PPT1: variants seen among roughly 807,000 people sequenced by gnomAD.
The protein encoded by PPT1 is ceroid-palmitoyl-palmitoyl-protein thioesterase 1.
PPT1 carries 24 observed loss-of-function variants against 44.0 expected under a neutral mutation model. That is an observed-to-expected ratio of 0.54 (90% CI 0.39 to 0.77). The LOEUF (loss-of-function observed/expected upper bound fraction) is 0.77, where lower values mean the gene tolerates loss of function less well. PPT1 is among the 30% of genes least tolerant of loss of function. The pLI, the probability that PPT1 is intolerant of heterozygous loss-of-function variation, is 0.00. For synonymous variants in PPT1, 148 were observed against 140.2 expected, an observed-to-expected ratio of 1.06 and a Z score of -0.39; for missense variants, 341 against 378.8, an observed-to-expected ratio of 0.90 and a Z score of 0.83.
intron 1 of PPT1, among the ~76,000 whole-genome samples, chr1:40,095,796 G>A (rs1649811305): frequency 6.6e-6 from 1 of 152,116 alleles, no homozygotes; most frequent in South Asian, 2.1e-4. Flanking sequence ...GTCTCCCTGT[G>A]ACCATCCATG....
Position 40,080,299 on chromosome 1 carries a change from C to A in PPT1, c.627+98G>T, listed in dbSNP as rs922344122. On this transcript the variant is annotated intron_variant, in intron 6 of 8. Coordinates refer to ENST00000642050, the MANE Select transcript of PPT1 (RefSeq NM_000310.4). The stretch of plus-strand genomic sequence containing the variant: ...AGAACTTCTCTTTCCTAGTGTCTGC[C>A]CAGGACAGTTTGGGTAAACAGTCAC... 4 of 1,278,694 alleles carry A rather than the reference C, an allele frequency of 3.1e-6. 1 individual carries two copies. The highest frequency in any genetic ancestry group is 3.4e-6 in the Non-Finnish European group (3 of 876,032). 79.2% of individuals were successfully genotyped at this position (1,278,694 alleles called of 1,614,324 possible). A position where few individuals can be genotyped will look rare whatever the true frequency, so the allele number is the denominator to read the frequency against.
chr1:40,084,294 C>CA (rs1649139354), intron 5 of PPT1, among the ~76,000 whole-genome samples: 1 of 152,096 alleles, frequency 6.6e-6, no homozygotes, highest in Non-Finnish European at 1.5e-5. Context: ...TACGGATGAG[C>CA]AAAACAGTGG....
At chr1:40,088,147 T>TA (rs1242567466) in intron 5 of PPT1, among the ~76,000 whole-genome samples, 3 of 151,572 alleles carry the variant, frequency 2.0e-5, no homozygotes, top group Non-Finnish European at 4.4e-5. Flanking sequence ...TCAAAACTTT[T>TA]TTTTTTTTTT....
Position 40,086,786 on chromosome 1 carries a change from C to T in PPT1, c.536+2624G>A, listed in dbSNP as rs556974201. Among the ~76,000 whole-genome samples the T allele has an allele frequency of 4.6e-5, 7 of 151,302 alleles. No individual in the cohort carries two copies. The East Asian group carries it at 1.4e-3, about 31-fold the overall frequency. On this transcript the variant is annotated intron_variant, in intron 5 of 8. Transcript: ENST00000642050. ...GGTCTGCATGGAGAGAAAGAAGCAG[C>T]GACACAGAGAGAGAAGCAACAATGG...
chr1:40,090,162 TG>T (rs1649479815), intron 4 of PPT1, among the ~76,000 whole-genome samples: 1 of 152,024 alleles, frequency 6.6e-6, no homozygotes, highest in Admixed American at 6.5e-5. Context: ...TCCAAGAGAT[TG>T]GGTCTTGCTA....
chr1:40,096,972 A>AGGG, intron 1 of PPT1, 143 bp downstream of exon 1: 2 of 1,432,238 alleles, frequency 1.4e-6, no homozygotes, highest in Non-Finnish European at 9.8e-7. Flanking sequence ...TTTCCAATGC[A>AGGG]GATCCTTCAA....
At chr1:40,091,079 T>C (rs1331883742) in intron 4 of PPT1, among the ~76,000 whole-genome samples, 1 of 152,210 alleles carries the variant, frequency 6.6e-6, no homozygotes, top group Non-Finnish European at 1.5e-5. Context: ...GCTATAACCA[T>C]CTTACTTCCA....
chr1:40,088,611 G>A (rs1649389501), intron 5 of PPT1, among the ~76,000 whole-genome samples: 1 of 151,732 alleles, frequency 6.6e-6, no homozygotes, highest in African/African-American at 2.4e-5. Flanking sequence ...GTCTCACTAT[G>A]TTGTTCAGAC....
chr1:40,072,633 G>C (rs554373727), downstream of PPT1: 5 of 152,720 alleles, frequency 3.3e-5, no homozygotes, highest in South Asian at 1.0e-3. Flanking sequence ...ATAGAATAAA[G>C]TTAATACCAA....
Position 40,080,389 on chromosome 1 carries a change from G to A in PPT1, c.627+8C>T, listed in dbSNP as rs1427848229. The A allele has an allele frequency of 3.1e-6, 5 of 1,613,036 alleles. No individual in the cohort carries two copies. The highest frequency in any genetic ancestry group is 4.2e-6 in the Non-Finnish European group (5 of 1,179,182). ...GCACATCTATGGGAGCCCGGTTTGGGTGCTTACCCGCTCCTGATTTATATC... is the reference window on the plus strand; with the variant it reads ...GCACATCTATGGGAGCCCGGTTTGGATGCTTACCCGCTCCTGATTTATATC... On this transcript the variant is annotated splice_region_variant and intron_variant, in intron 6 of 8. Transcript: ENST00000642050.
intron 5 of PPT1, among the ~76,000 whole-genome samples, chr1:40,086,203 T>C (rs946563650): frequency 2.6e-5 from 4 of 152,072 alleles, no homozygotes; most frequent in African/African-American, 9.7e-5. Flanking sequence ...GAAGCATTCA[T>C]TGTGGCAGGG....
At chr1:40,076,141 A>C (rs1279172082) in intron 8 of PPT1, among the ~76,000 whole-genome samples, 3 of 152,004 alleles carry the variant, frequency 2.0e-5, no homozygotes, top group African/African-American at 7.2e-5. Flanking sequence ...TAATTTAGAA[A>C]CAGGATTTCA....
intron 8 of PPT1, 60 bp from the exon 9 acceptor site, chr1:40,074,243 T>TAATCTC: frequency 1.3e-6 from 2 of 1,592,438 alleles, no homozygotes; most frequent in Non-Finnish European, 1.7e-6. Flanking sequence ...AGTAAAATGG[T>TAATCTC]AAGTACGTTA....
chr1:40,088,629 G>C (rs1649390071), intron 5 of PPT1, among the ~76,000 whole-genome samples: 1 of 152,006 alleles, frequency 6.6e-6, no homozygotes. Context: ...GACTGGTTGT[G>C]AACTTCTGGC....
chr1:40,096,242 T>G (rs1030003789), intron 1 of PPT1, among the ~76,000 whole-genome samples: 4 of 152,242 alleles, frequency 2.6e-5, no homozygotes, highest in African/African-American at 9.6e-5. Flanking sequence ...TTTTCTCTGT[T>G]GCACATATCA....
rs765067557 is a variant in PPT1 at position 40,089,527 on chromosome 1, G to A, written c.434-15C>T. ...TCCAAAAACACCTACAGTGGTAGAT[G>A]ACAAATATCCACTCCTTCAATAATG... On this transcript the variant is annotated splice_polypyrimidine_tract_variant and intron_variant, in intron 4 of 8. Coordinates refer to ENST00000642050, the MANE Select transcript of PPT1 (RefSeq NM_000310.4). The A allele has an allele frequency of 3.8e-6, 6 of 1,567,618 alleles. No individual in the cohort carries two copies. The South Asian group carries it at 6.7e-5, about 17-fold the overall frequency.
chr1:40,092,459 A>G lies in PPT1; in HGVS notation c.173T>C (p.Val58Ala), dbSNP rs758514526. 6.2e-7 allele frequency: 1 copy of G among 1,613,840 alleles called. No individual in the cohort carries two copies. Among genetic ancestry groups the G allele is most frequent in the East Asian group, 2.2e-5 (1 of 44,896 alleles). Residue 58 changes from valine to alanine, a missense_variant, in exon 2 of 9, where the codon GTG becomes GCG. By Grantham distance (64) the Val-to-Ala change is moderately conservative (BLOSUM62 0). Transcript: ENST00000642050. ...GTAAATTCCAGGTATTTTCTTCTCC[A>G]CCATTTTTTTAATAGCACCCATGCT... ...PLSMGAIKKM[V>A]EKKIPGIYVL...
intron 8 of PPT1, among the ~76,000 whole-genome samples, chr1:40,074,693 T>G (rs991029988): frequency 6.6e-6 from 1 of 152,022 alleles, no homozygotes; most frequent in African/African-American, 2.4e-5. Flanking sequence ...GGTCTTGATC[T>G]CCTGACCTCA....
At chr1:40,095,516 G>C (rs1430118659) in intron 1 of PPT1, among the ~76,000 whole-genome samples, 1 of 152,168 alleles carries the variant, frequency 6.6e-6, no homozygotes, top group Non-Finnish European at 1.5e-5. Context: ...CCCAAAAGCA[G>C]ACTCTTGATC....
Sources: gnomAD v4.1 joint callset for allele counts (sites outside exome capture counted in the v4.1 genomes callset) on GRCh38, gnomAD v4.1.1 for gene constraint, MANE v1.5 for transcripts, NCBI Gene and HGNC (gene_info 2026-07-23, HGNC 2026-07-21) for gene names.